Variants in PRR5L observed in about 807,000 individuals in gnomAD.
PRR5L encodes the protein proline-rich protein 5-like.
In PRR5L, 21 loss-of-function variants were observed where a neutral mutation model predicts 36.4. That is an observed-to-expected ratio of 0.58 (90% CI 0.41 to 0.83). PRR5L has a LOEUF of 0.83. Ranked by LOEUF, PRR5L falls within the 40% of genes least tolerant of loss-of-function variation. PRR5L has a pLI of 0.00. For missense variants in PRR5L, 381 were observed against 473.3 expected (o/e 0.80, Z 1.81); for synonymous variants, 188 against 197.0 (o/e 0.95, Z 0.38).
intron 8 of PRR5L, among the ~76,000 whole-genome samples, chr11:36,455,018 A>G (rs1226875484): frequency 5.3e-5 from 8 of 152,072 alleles, no homozygotes; most frequent in Non-Finnish European, 1.0e-4. Context: ...TGTTTCCCTG[A>G]TGTTTGCAGG....
chr11:36,446,718 C>T (rs944276848), intron 7 of PRR5L, among the ~76,000 whole-genome samples: 3 of 152,128 alleles, frequency 2.0e-5, no homozygotes, highest in Non-Finnish European at 4.4e-5. Flanking sequence ...TGCCCTTTTC[C>T]CCTCTCCAGT....
chr11:36,415,733 A>T (rs1323667753), intron 3 of PRR5L, among the ~76,000 whole-genome samples: 2 of 152,188 alleles, frequency 1.3e-5, no homozygotes, highest in Non-Finnish European at 2.9e-5. Context: ...AACAGAGTGC[A>T]ACTCTGTCTC....
At chr11:36,361,270 C>T (rs1857085056) in intron 1 of PRR5L, among the ~76,000 whole-genome samples, 1 of 152,110 alleles carries the variant, frequency 6.6e-6, no homozygotes, top group Non-Finnish European at 1.5e-5. Context: ...ATCCAGATCT[C>T]TTAGGCCAGA....
chr11:36,352,119 A>T (rs1308518236), intron 1 of PRR5L, among the ~76,000 whole-genome samples: 1 of 152,034 alleles, frequency 6.6e-6, no homozygotes, highest in African/African-American at 2.4e-5. Flanking sequence ...GATTATGGCC[A>T]TTCTTGCAGG....
rs533226403 is a variant in PRR5L at position 36,413,700 on chromosome 11, T to TTTTTATTTTATTTTATTTTA, written c.246-5547_246-5528dup. ...TATACTTTATTTTATTTATTTCTAT[T>TTTTTATTTTATTTTATTTTA]TTTTATTTTATTTTATTTTATTTTA... On this transcript the variant is annotated intron_variant, in intron 3 of 8. Transcript: ENST00000530639. Among the ~76,000 whole-genome samples, 1,281 of 150,916 alleles carry TTTTTATTTTATTTTATTTTA rather than the reference T, an allele frequency of 8.5e-3. 22 individuals carry two copies. Among genetic ancestry groups the TTTTTATTTTATTTTATTTTA allele is most frequent in the African/African-American group, 0.03 (1,218 of 41,022 alleles).
chr11:36,365,273 T>C (rs566240869), intron 1 of PRR5L, among the ~76,000 whole-genome samples: 17 of 152,136 alleles, frequency 1.1e-4, no homozygotes, highest in South Asian at 4.2e-4. Flanking sequence ...CTCTGTAAAT[T>C]TGGGAGACTA....
At chr11:36,396,692 C>A (rs1857666868) in intron 1 of PRR5L, among the ~76,000 whole-genome samples, 1 of 152,184 alleles carries the variant, frequency 6.6e-6, no homozygotes, top group Non-Finnish European at 1.5e-5. Context: ...CACTCAGGGT[C>A]ATTTCATGTG....
chr11:36,322,829 T>G (rs980532089), intron 1 of PRR5L, among the ~76,000 whole-genome samples: 8 of 152,182 alleles, frequency 5.3e-5, no homozygotes, highest in Non-Finnish European at 1.2e-4. Flanking sequence ...TAATCCAATA[T>G]GACTGGAGTC....
At chr11:36,455,886 G>C (rs538728350) in intron 8 of PRR5L, among the ~76,000 whole-genome samples, 3 of 152,188 alleles carry the variant, frequency 2.0e-5, no homozygotes, top group Non-Finnish European at 2.9e-5. Flanking sequence ...CTGTCTGCCC[G>C]GGGGACTCAA....
In PRR5L at chr11:36,344,081, G is replaced by A. The variant is rs886806027; in HGVS notation, c.-126+47643G>A. ...AAAATACAAAAATTAGCCAGGTGTG[G>A]TGGCATGTGCCTGTTATCCCAGCTA... On this transcript the variant is annotated intron_variant, in intron 1 of 8. Coordinates refer to ENST00000530639, the MANE Select transcript of PRR5L (RefSeq NM_001160167.2). The surrounding 1 kb of genome is among the most constrained non-coding windows in gnomAD (Gnocchi z 4.1). Among the ~76,000 whole-genome samples, 1 of 152,084 alleles carries A rather than the reference G, an allele frequency of 6.6e-6. No homozygotes were observed. Among genetic ancestry groups the A allele is most frequent in the African/African-American group, 2.4e-5 (1 of 41,414 alleles).
chr11:36,308,057 G>T (rs1302349562), intron 1 of PRR5L, among the ~76,000 whole-genome samples: 1 of 152,212 alleles, frequency 6.6e-6, no homozygotes, highest in Non-Finnish European at 1.5e-5. Flanking sequence ...TGTCCCTGGG[G>T]TTTGTGCTGG....
At chr11:36,367,790 CAAAGT>C (rs1857159415) in intron 1 of PRR5L, among the ~76,000 whole-genome samples, 1 of 151,574 alleles carries the variant, frequency 6.6e-6, no homozygotes, top group Non-Finnish European at 1.5e-5. Flanking sequence ...GTCTCTCTCT[CAAAGT>C]AAATACAATG....
chr11:36,450,537 C>A (rs1590604640), intron 7 of PRR5L, among the ~76,000 whole-genome samples: 1 of 152,214 alleles, frequency 6.6e-6, no homozygotes, highest in East Asian at 1.9e-4. Context: ...GGACTCCTGT[C>A]ATGCCGGGGT....
At chr11:36,411,335 A>G (rs1191357878) in intron 3 of PRR5L, among the ~76,000 whole-genome samples, 2 of 152,172 alleles carry the variant, frequency 1.3e-5, no homozygotes, top group African/African-American at 4.8e-5. Context: ...AGTTGACAAG[A>G]CGGTGAGGCG....
At chr11:36,387,234 C>T (rs1857474458) in intron 1 of PRR5L, among the ~76,000 whole-genome samples, 1 of 151,762 alleles carries the variant, frequency 6.6e-6, no homozygotes, top group African/African-American at 2.4e-5. Flanking sequence ...CACTTGGACA[C>T]AGGGTGGGGA....
At chr11:36,381,398 G>C (rs1857364296) in intron 1 of PRR5L, among the ~76,000 whole-genome samples, 1 of 145,746 alleles carries the variant, frequency 6.9e-6, no homozygotes, top group Non-Finnish European at 1.5e-5. Flanking sequence ...TGGAAGAATA[G>C]CTGAAAGGAT....
intron 1 of PRR5L, among the ~76,000 whole-genome samples, chr11:36,345,042 A>G (rs1240642929): frequency 6.6e-6 from 1 of 152,150 alleles, no homozygotes; most frequent in Non-Finnish European, 1.5e-5. Flanking sequence ...GCTAGAGAGA[A>G]AAGGGTCTTT....
At chr11:36,371,778 G>T (rs1857199263) in intron 1 of PRR5L, among the ~76,000 whole-genome samples, 1 of 152,196 alleles carries the variant, frequency 6.6e-6, no homozygotes, top group South Asian at 2.1e-4. Flanking sequence ...GATAATGTGG[G>T]CTGGGCATGG....
intron 1 of PRR5L, among the ~76,000 whole-genome samples, chr11:36,383,473 A>C (rs987339914): frequency 3.3e-5 from 5 of 152,218 alleles, no homozygotes; most frequent in African/African-American, 1.2e-4. Flanking sequence ...GAAAAGAAGA[A>C]AACAAGATGA....
Sources: allele counts gnomAD v4.1 joint callset (sites outside exome capture counted in the v4.1 genomes callset), GRCh38; gene constraint gnomAD v4.1.1; non-coding constraint Gnocchi (gnomAD v3.1); transcripts MANE v1.5; gene names NCBI Gene and HGNC (gene_info 2026-07-23, HGNC 2026-07-21).